Variants in UMAD1 observed in about 807,000 individuals in gnomAD.
UMAD1 encodes the protein UBAP1-MVB12-associated (UMA) domain containing 1.
A neutral mutation model predicts 6.1 loss-of-function variants in UMAD1; 8 were observed. That is an observed-to-expected ratio of 1.30 (90% CI 0.76 to 2.35). The LOEUF (loss-of-function observed/expected upper bound fraction) is 2.35. UMAD1 is among the 30% of genes most tolerant of loss of function. UMAD1 has a pLI of 0.00. For synonymous variants in UMAD1, 56 were observed against 31.4 expected (o/e 1.78, Z -2.61); for missense variants, 130 against 78.4 (o/e 1.66, Z -2.49).
chr7:7,778,269 T>TGA (rs1356098717), intron 2 of UMAD1, among the ~76,000 whole-genome samples: 5 of 111,682 alleles, frequency 4.5e-5, no homozygotes, highest in African/African-American at 1.3e-4. Flanking sequence ...TGTGTGTGTG[T>TGA]GTGTGTGAGA....
At chr7:7,657,453 G>C (rs936994799) in intron 1 of UMAD1, among the ~76,000 whole-genome samples, 1 of 152,082 alleles carries the variant, frequency 6.6e-6, no homozygotes, top group East Asian at 1.9e-4. Flanking sequence ...TACGTCTTAC[G>C]TTTAGGTCTT....
intron 2 of UMAD1, among the ~76,000 whole-genome samples, chr7:7,709,311 A>G (rs1262937324): frequency 1.3e-5 from 2 of 152,236 alleles, no homozygotes; most frequent in African/African-American, 4.8e-5. Context: ...TGAACATTAG[A>G]AACTTGTTCA....
intron 2 of UMAD1, among the ~76,000 whole-genome samples, chr7:7,779,757 A>C (rs1175489227): frequency 6.6e-6 from 1 of 151,934 alleles, no homozygotes; most frequent in African/African-American, 2.4e-5. Context: ...GGATCTTCCC[A>C]CCTCAGCCTC....
intron 3 of UMAD1, among the ~76,000 whole-genome samples, chr7:7,819,446 G>A (rs1282607926): frequency 6.6e-6 from 1 of 152,110 alleles, no homozygotes; most frequent in Admixed American, 6.5e-5. Context: ...GATTTCTGCA[G>A]GGTCTCTTTA....
chr7:7,828,643 A>C (rs146073427), intron 3 of UMAD1, among the ~76,000 whole-genome samples: 1 of 152,294 alleles, frequency 6.6e-6, no homozygotes, highest in African/African-American at 2.4e-5. Context: ...ATCCAGAAAA[A>C]GAAAGGGGAT....
In UMAD1 at chr7:7,827,177, G is replaced by GTGTGTA. The variant is rs34214373; in HGVS notation, c.156+25435_156+25436insGTGTAT. 5.2e-3 allele frequency among the ~76,000 whole-genome samples: 762 copies of GTGTGTA among 147,150 alleles called. 3 individuals are homozygous for GTGTGTA. Among genetic ancestry groups the GTGTGTA allele is most frequent in the African/African-American group, 0.013 (504 of 38,104 alleles). On this transcript the variant is annotated intron_variant, in intron 3 of 3. Transcript: ENST00000682710. Reference sequence around the variant, plus strand: ...TGTGTGTGTGTGTGTGTGTGTGTGTGTATCACATGAAAATTTAAATAATGG... The same window carrying GTGTGTA: ...TGTGTGTGTGTGTGTGTGTGTGTGTGTGTGTATATCACATGAAAATTTAAATAATGG...
At chr7:7,668,294 A>C (rs1164656598) in intron 1 of UMAD1, among the ~76,000 whole-genome samples, 1 of 152,180 alleles carries the variant, frequency 6.6e-6, no homozygotes, top group African/African-American at 2.4e-5. Context: ...GAGATAGAGC[A>C]TACAGTAGTC....
intron 1 of UMAD1, among the ~76,000 whole-genome samples, chr7:7,661,779 G>A (rs1034371426): frequency 1.6e-4 from 25 of 152,152 alleles, no homozygotes; most frequent in Admixed American, 1.6e-3. Context: ...CAGGAGACAT[G>A]GGTGTCAGGG....
chr7:7,703,814 C>T (rs1426590686), intron 2 of UMAD1, among the ~76,000 whole-genome samples: 1 of 151,982 alleles, frequency 6.6e-6, no homozygotes, highest in Non-Finnish European at 1.5e-5. Context: ...TGGTGGCGTG[C>T]CCCTGTAGTC....
chr7:7,705,554 C>A (rs1009804056), intron 2 of UMAD1, among the ~76,000 whole-genome samples: 3 of 152,090 alleles, frequency 2.0e-5, no homozygotes, highest in African/African-American at 7.2e-5. Context: ...AAGTACTATG[C>A]TTGTGTAATC....
At chr7:7,722,199 A>T (rs1781063625) in intron 2 of UMAD1, among the ~76,000 whole-genome samples, 1 of 149,244 alleles carries the variant, frequency 6.7e-6, no homozygotes, top group African/African-American at 2.5e-5. Context: ...ATATATCTAT[A>T]TAGATATATA....
At chr7:7,662,171 G>A (rs1390689020) in intron 1 of UMAD1, among the ~76,000 whole-genome samples, 6 of 152,212 alleles carry the variant, frequency 3.9e-5, no homozygotes, top group African/African-American at 1.4e-4. Context: ...CACCAAGCTC[G>A]AGTGTCCCAG....
intron 2 of UMAD1, among the ~76,000 whole-genome samples, chr7:7,761,362 C>T (rs1004620557): frequency 9.9e-5 from 5 of 50,284 alleles, no homozygotes; most frequent in Admixed American, 8.2e-4. Flanking sequence ...TGAGACCTAA[C>T]TAAAAAAAAA....
chr7:7,783,823 A>G (rs1458709648), intron 2 of UMAD1, among the ~76,000 whole-genome samples: 4 of 152,192 alleles, frequency 2.6e-5, no homozygotes, highest in Non-Finnish European at 5.9e-5. Context: ...GTTTTGTACA[A>G]TGTTATAAAA....
chr7:7,686,166 AG>A (rs1172880947), intron 2 of UMAD1, among the ~76,000 whole-genome samples: 1 of 152,228 alleles, frequency 6.6e-6, no homozygotes, highest in African/African-American at 2.4e-5. Flanking sequence ...GGTATGGTAG[AG>A]GAGCAAAACT....
intron 2 of UMAD1, among the ~76,000 whole-genome samples, chr7:7,743,444 A>G (rs1034091784): frequency 2.0e-5 from 3 of 152,138 alleles, no homozygotes; most frequent in Non-Finnish European, 4.4e-5. Context: ...AAATTATAAC[A>G]TTGAAAACAG....
chr7:7,847,357 C>T (rs1044724486), intron 3 of UMAD1, among the ~76,000 whole-genome samples: 1 of 151,244 alleles, frequency 6.6e-6, no homozygotes, highest in African/African-American at 2.4e-5. Context: ...CTCACTGGAT[C>T]TCTGTGAGAT....
At chr7:7,647,250 A>G (rs1356194879) in intron 1 of UMAD1, among the ~76,000 whole-genome samples, 1 of 152,172 alleles carries the variant, frequency 6.6e-6, no homozygotes, top group Non-Finnish European at 1.5e-5. Flanking sequence ...TGACCCATGC[A>G]TTATTTTTGT....
intron 2 of UMAD1, chr7:7,740,641 T>A (rs1391313557): frequency 6.6e-6 from 1 of 152,210 alleles, no homozygotes; most frequent in African/African-American, 2.4e-5. Flanking sequence ...CCTTTTGCAT[T>A]GCCCTTTCCC....
Sources: gnomAD v4.1 joint callset for allele counts (sites outside exome capture counted in the v4.1 genomes callset) on GRCh38, gnomAD v4.1.1 for gene constraint, MANE v1.5 for transcripts, NCBI Gene and HGNC (gene_info 2026-07-23, HGNC 2026-07-21) for gene names.